Variants in SLC25A24 observed in about 807,000 individuals in gnomAD.
The protein encoded by SLC25A24 is mitochondrial adenyl nucleotide antiporter SLC25A24.
Under a neutral mutation model 60.7 loss-of-function variants are expected in SLC25A24, and 49 were observed. That is an observed-to-expected ratio of 0.81 (90% CI 0.64 to 1.02). The LOEUF is 1.02. SLC25A24 is among the 50% of genes least tolerant of loss of function. The pLI is 0.00. For synonymous variants in SLC25A24, 202 were observed against 200.6 expected (o/e 1.01, Z -0.06); for missense variants, 564 against 586.3 (o/e 0.96, Z 0.39).
chr1:108,185,619 C>A (rs1648097078), intron 2 of SLC25A24, among the ~76,000 whole-genome samples: 1 of 151,844 alleles, frequency 6.6e-6, no homozygotes, highest in Non-Finnish European at 1.5e-5. Context: ...CATTACATTT[C>A]AAAGTAATGA....
intron 7 of SLC25A24, among the ~76,000 whole-genome samples, chr1:108,144,275 T>C (rs1294418976): frequency 6.6e-6 from 1 of 152,204 alleles, no homozygotes; most frequent in Non-Finnish European, 1.5e-5. Context: ...ACCCCTCTGC[T>C]ATATCAATAA....
chr1:108,152,094 T>C (rs1223813237), intron 6 of SLC25A24, among the ~76,000 whole-genome samples: 1 of 152,226 alleles, frequency 6.6e-6, no homozygotes, highest in Non-Finnish European at 1.5e-5. Context: ...CAGGTTGATA[T>C]TCCTTAAATG....
chr1:108,150,970 G>GCAGGAGGATCACTTGAGGT (rs1679738944), intron 6 of SLC25A24, among the ~76,000 whole-genome samples: 1 of 151,134 alleles, frequency 6.6e-6, no homozygotes, highest in Admixed American at 6.6e-5. Context: ...GGAGGCTGAG[G>GCAGGAGGATCACTTGAGGT]CAGGAGGACC....
At chr1:108,179,277 G>C (rs1478893211) in intron 3 of SLC25A24, among the ~76,000 whole-genome samples, 1 of 152,138 alleles carries the variant, frequency 6.6e-6, no homozygotes, top group Non-Finnish European at 1.5e-5. Context: ...GGGAACTTTT[G>C]CACCCTGTTG....
intron 3 of SLC25A24, among the ~76,000 whole-genome samples, chr1:108,173,325 G>C (rs1647547413): frequency 6.6e-6 from 1 of 152,192 alleles, no homozygotes; most frequent in African/African-American, 2.4e-5. Context: ...GATAGTGAGT[G>C]AGTTCTCACG....
In SLC25A24 at chr1:108,146,678, C is replaced by T. The variant is rs142291089; in HGVS notation, c.930+1601G>A. ...TTCTGCATCTATTGAGATAATCATG[C>T]GGTTTTTGTCACTGGTTCTGTTTAT... On this transcript the variant is annotated intron_variant, in intron 7 of 9. Coordinates refer to ENST00000565488, the MANE Select transcript of SLC25A24 (RefSeq NM_013386.5). 9.2e-3 allele frequency among the ~76,000 whole-genome samples: 1,405 copies of T among 152,168 alleles called. 8 individuals are homozygous for T. Among genetic ancestry groups the T allele is most frequent in the Non-Finnish European group, 0.014 (985 of 67,974 alleles).
chr1:108,188,550 T>C (rs1265763861), intron 1 of SLC25A24, among the ~76,000 whole-genome samples: 1 of 152,104 alleles, frequency 6.6e-6, no homozygotes. Flanking sequence ...ATCTAAGAGG[T>C]TTATATTTTG....
At chr1:108,160,888 G>A (rs1460797486) in intron 4 of SLC25A24, among the ~76,000 whole-genome samples, 4 of 152,182 alleles carry the variant, frequency 2.6e-5, no homozygotes, top group South Asian at 4.1e-4. Flanking sequence ...GCAGTGAGCC[G>A]AGATGGCAGC....
chr1:108,185,491 G>A (rs1452412440), intron 2 of SLC25A24, among the ~76,000 whole-genome samples: 1 of 151,920 alleles, frequency 6.6e-6, no homozygotes. Flanking sequence ...TTTACCCAGA[G>A]GACAAGAAAA....
At chr1:108,199,880 C>A in intron 1 of SLC25A24, 76 bp downstream of exon 1, 1 of 1,171,444 alleles carries the variant, frequency 8.5e-7, no homozygotes, top group Non-Finnish European at 1.2e-6. Context: ...CAAGCCGCCG[C>A]CCTCCTCGGT....
At position 108,161,258 on chromosome 1, in the gene SLC25A24, T is replaced by C; in HGVS notation, c.434A>G (p.Asn145Ser). Residue 145 changes from asparagine to serine, a missense_variant, in exon 4 of 10, where the codon AAT becomes AGT. Coordinates refer to ENST00000565488, the MANE Select transcript of SLC25A24 (RefSeq NM_013386.5). The part of the protein sequence containing the change: ...DVDGTMTVDW[N>S]EWRDYFLFNP... The stretch of plus-strand genomic sequence containing the variant: ...AAATAAGAAGTAGTCTCTCCATTCA[T>C]TCCAGTCCACTGTCATTGTCCCATC... 2 of 1,603,466 alleles carry C rather than the reference T, an allele frequency of 1.2e-6. No homozygotes were observed. The highest frequency in any genetic ancestry group is 1.7e-6 in the Non-Finnish European group (2 of 1,171,134).
At chr1:108,161,336 T>C in intron 3 of SLC25A24, 43 bp from the exon 4 acceptor site, 1 of 963,332 alleles carries the variant, frequency 1.0e-6, no homozygotes, top group Non-Finnish European at 1.7e-6. Context: ...ACTAAATTGA[T>C]AAATAAAACT....
At chr1:108,148,412 C>T (rs751863401) in intron 6 of SLC25A24, 26 bp from the exon 7 acceptor site, 16 of 1,265,348 alleles carry the variant, frequency 1.3e-5, no homozygotes, top group Non-Finnish European at 1.9e-5. Flanking sequence ...TTAAAATGCA[C>T]ATTACTACCT....
In SLC25A24 at chr1:108,135,739, T is replaced by C. The variant is rs575371; in HGVS notation, c.*914A>G. ...CAGTGAGGGAGAAATAAGCACATCA[T>C]TTGCTCATGATCAATCCACTTCATG... On this transcript the variant is annotated 3_prime_UTR_variant, in exon 10 of 10. Transcript: ENST00000565488. The C allele has an allele frequency of 0.16, 24,144 of 152,628 alleles. 3,968 individuals are homozygous for C. Among genetic ancestry groups the C allele is most frequent in the African/African-American group, 0.41 (17,195 of 41,480 alleles). The allele number at this position is 152,628 out of a possible 1,614,324, so 9.5% of individuals were successfully genotyped here.
At chr1:108,150,987 G>A (rs1478780531) in intron 6 of SLC25A24, among the ~76,000 whole-genome samples, 1 of 152,100 alleles carries the variant, frequency 6.6e-6, no homozygotes, top group Non-Finnish European at 1.5e-5. Context: ...GACCACTTGA[G>A]GTCAGGAGTT....
At chr1:108,166,290 A>T (rs1199725885) in intron 3 of SLC25A24, among the ~76,000 whole-genome samples, 1 of 151,514 alleles carries the variant, frequency 6.6e-6, no homozygotes, top group Non-Finnish European at 1.5e-5. Flanking sequence ...GCTCTTCTCA[A>T]GGAGTATCTT....
At chr1:108,164,046 T>C (rs1680170996) in intron 3 of SLC25A24, among the ~76,000 whole-genome samples, 1 of 152,230 alleles carries the variant, frequency 6.6e-6, no homozygotes, top group Non-Finnish European at 1.5e-5. Flanking sequence ...TCTATTGAGA[T>C]AATCATGTGG....
intron 1 of SLC25A24, among the ~76,000 whole-genome samples, chr1:108,186,946 G>A (rs918640656): frequency 3.9e-5 from 6 of 151,974 alleles, no homozygotes; most frequent in East Asian, 1.9e-4. Context: ...GCATGGTGGC[G>A]CATGCCTGTA....
chr1:108,135,263 A>C lies in SLC25A24; in HGVS notation c.*1390T>G, dbSNP rs895962924. 2.6e-5 allele frequency: 4 copies of C among 152,572 alleles called. No homozygotes were observed. The highest frequency in any genetic ancestry group is 7.2e-5 in the African/African-American group (3 of 41,454). The allele number at this position is 152,572 out of a possible 1,614,324, so 9.5% of individuals were successfully genotyped here. A position where few individuals can be genotyped will look rare whatever the true frequency, so the allele number is the denominator to read the frequency against. On this transcript the variant is annotated 3_prime_UTR_variant, in exon 10 of 10. Coordinates refer to ENST00000565488, the MANE Select transcript of SLC25A24 (RefSeq NM_013386.5). ...AAAAATGTTTCACAAACACCAGTCCATCTTTCTCTTTGGTTCAGAAAATAA... is the reference window on the plus strand; with the variant it reads ...AAAAATGTTTCACAAACACCAGTCCCTCTTTCTCTTTGGTTCAGAAAATAA...
Sources: allele counts gnomAD v4.1 joint callset (sites outside exome capture counted in the v4.1 genomes callset), GRCh38; gene constraint gnomAD v4.1.1; transcripts MANE v1.5; gene names NCBI Gene and HGNC (gene_info 2026-07-23, HGNC 2026-07-21).